Variants in IGDCC3 observed in about 807,000 individuals in gnomAD.
IGDCC3 encodes the protein putative neuronal cell adhesion molecule.
In IGDCC3, 47 loss-of-function variants were observed where a neutral mutation model predicts 72.0. The ratio of observed to expected loss-of-function variants is 0.65; its 90% confidence interval spans 0.52 to 0.83. The LOEUF is 0.83. Ranked by LOEUF, IGDCC3 falls within the 40% of genes least tolerant of loss-of-function variation. IGDCC3 has a pLI of 0.00. For missense variants in IGDCC3, 1,038 were observed against 1,091.3 expected (o/e 0.95, Z 0.69); for synonymous variants, 477 against 472.8 (o/e 1.01, Z -0.11).
At chr15:65,346,567 C>T (rs2091126290) in intron 2 of IGDCC3, among the ~76,000 whole-genome samples, 1 of 152,106 alleles carries the variant, frequency 6.6e-6, no homozygotes, top group Non-Finnish European at 1.5e-5. Context: ...AGCGATTCTC[C>T]TACCTCAGCC....
chr15:65,339,671 C>G lies in IGDCC3; in HGVS notation c.410-3715G>C, dbSNP rs1285982898. ...ACTTCAGGGCACCCTGAGATCTGAA[C>G]AAGTCACCCTGCAGGCCACTGTGTT... On this transcript the variant is annotated intron_variant, in intron 2 of 13. Transcript: ENST00000327987. This position sits in a 1 kb window ranked among gnomAD's most constrained non-coding sequence, Gnocchi z 4.1. 7.9e-5 allele frequency among the ~76,000 whole-genome samples: 12 copies of G among 152,236 alleles called. No homozygotes were observed. The highest frequency in any genetic ancestry group is 7.9e-4 in the Admixed American group (12 of 15,284).
In IGDCC3 at chr15:65,331,088, G is replaced by A. The variant is rs536780229; in HGVS notation, c.1523C>T (p.Ser508Leu). 3.6e-5 allele frequency: 58 copies of A among 1,614,146 alleles called. No homozygotes were observed. In the South Asian group the frequency reaches 5.8e-4, roughly 16 times the overall value. Residue 508 changes from serine to leucine, a missense_variant, in exon 9 of 14, where the codon TCA (serine) becomes TTA (leucine). By Grantham distance (145) the Ser-to-Leu change is moderately radical. Transcript: ENST00000327987. The stretch of plus-strand genomic sequence containing the variant: ...GCTAGCTAGGGTGGGCACAGAGGCT[G>A]AGCTGGCCCCCCTTGGTGTGTAGGC... Reference protein sequence around the residue: ...IKAYTPRGASSASVPTLASTL... With the variant: ...IKAYTPRGASLASVPTLASTL...
chr15:65,336,109 T>C (rs1595752053), intron 2 of IGDCC3, among the ~76,000 whole-genome samples, 153 bp from the exon 3 acceptor site: 1 of 152,284 alleles, frequency 6.6e-6, no homozygotes, highest in East Asian at 1.9e-4. Context: ...GGGGGACCCA[T>C]CAGCACTTAC....
intron 2 of IGDCC3, among the ~76,000 whole-genome samples, chr15:65,344,110 G>A (rs1213472347): frequency 6.6e-6 from 1 of 152,194 alleles, no homozygotes; most frequent in African/African-American, 2.4e-5. Context: ...TTGAATGAAG[G>A]CTCTGAACCC....
At chr15:65,332,197 C>T (rs1480686808) in intron 6 of IGDCC3, 91 bp from the exon 7 acceptor site, 9 of 1,433,422 alleles carry the variant, frequency 6.3e-6, no homozygotes, top group Non-Finnish European at 8.5e-6. Flanking sequence ...ACTGGAGATA[C>T]ACAGGGTGAG....
At chr15:65,342,834 T>G (rs930746078) in intron 2 of IGDCC3, among the ~76,000 whole-genome samples, 1 of 152,146 alleles carries the variant, frequency 6.6e-6, no homozygotes, top group African/African-American at 2.4e-5. Flanking sequence ...TTGCTAAAAC[T>G]TTGTTTGCTT....
intron 1 of IGDCC3, among the ~76,000 whole-genome samples, chr15:65,375,645 C>T (rs1216138231): frequency 6.6e-6 from 1 of 152,202 alleles, no homozygotes; most frequent in East Asian, 1.9e-4. Flanking sequence ...GTACTATTTC[C>T]TCTTTCACAG....
chr15:65,335,684 A>G, intron 3 of IGDCC3, 128 bp downstream of exon 3: 1 of 1,116,340 alleles, frequency 9.0e-7, no homozygotes, highest in Non-Finnish European at 1.3e-6. Context: ...GTGGTTGCAG[A>G]AACACCACTA....
chr15:65,364,430 T>G (rs1277844335), intron 2 of IGDCC3, among the ~76,000 whole-genome samples: 1 of 152,142 alleles, frequency 6.6e-6, no homozygotes, highest in Non-Finnish European at 1.5e-5. Context: ...TACTAACTAG[T>G]TCTCTACAAG....
At chr15:65,367,346 C>CAAAAAA (rs10609381) in intron 2 of IGDCC3, among the ~76,000 whole-genome samples, 13 of 74,292 alleles carry the variant, frequency 1.7e-4, no homozygotes, top group Non-Finnish European at 2.3e-4. Flanking sequence ...GACTTTGTCT[C>CAAAAAA]AAAAAAAAAA....
At chr15:65,358,298 G>A (rs992212552) in intron 2 of IGDCC3, among the ~76,000 whole-genome samples, 1 of 151,952 alleles carries the variant, frequency 6.6e-6, no homozygotes, top group East Asian at 1.9e-4. Context: ...TAGAGATGGA[G>A]TTTTGCCATG....
chr15:65,341,274 T>C (rs2091078820), intron 2 of IGDCC3, among the ~76,000 whole-genome samples: 1 of 152,206 alleles, frequency 6.6e-6, no homozygotes, highest in African/African-American at 2.4e-5. Context: ...TGTGCAATGT[T>C]GGTGGGGATG....
chr15:65,331,957 G>A lies in IGDCC3; in HGVS notation c.1132C>T (p.Leu378Phe), dbSNP rs1311467928. 6.2e-7 allele frequency: 1 copy of A among 1,613,782 alleles called. No individual in the cohort carries two copies. The highest frequency in any genetic ancestry group is 8.5e-7 in the Non-Finnish European group (1 of 1,180,020). ...CACACATACCTGTTGTTATTCTTGAGCCTGACGTGGCCTCCTGGCCCCAGC... is the reference window on the plus strand; with the variant it reads ...CACACATACCTGTTGTTATTCTTGAACCTGACGTGGCCTCCTGGCCCCAGC... Reference protein sequence around the residue: ...QVLGPGGHVRLKNNNSTLTIS... With the variant: ...QVLGPGGHVRFKNNNSTLTIS... The change falls in exon 7 of 14, where the codon CTC (leucine) becomes TTC (phenylalanine). Residue 378 changes from leucine to phenylalanine, a missense_variant. Transcript: ENST00000327987.
chr15:65,355,471 C>T (rs2091209995), intron 2 of IGDCC3, among the ~76,000 whole-genome samples: 1 of 151,360 alleles, frequency 6.6e-6, no homozygotes, highest in African/African-American at 2.4e-5. Context: ...CGGCCCCAGG[C>T]TCCCCGGCCC....
Position 65,327,475 on chromosome 15 carries a change from AT to A in IGDCC3, c.*1433del, listed in dbSNP as rs2090928826. The A allele has an allele frequency of 6.6e-6, 1 of 152,206 alleles. No individual in the cohort carries two copies. Among genetic ancestry groups the A allele is most frequent in the Non-Finnish European group, 1.5e-5 (1 of 68,018 alleles). The allele number at this position is 152,206 out of a possible 1,614,324, so 9.4% of individuals were successfully genotyped here. On this transcript the variant is annotated 3_prime_UTR_variant, in exon 14 of 14. Transcript: ENST00000327987. ...CCCTAGAGGATTGGGGGTCAGGGAT[AT>A]TTATGGTCTCATTCTTAAGGAATAC... is the stretch of plus-strand genomic sequence containing the variant.
chr15:65,330,413 G>T lies in IGDCC3; in HGVS notation c.1754-16C>A, dbSNP rs1328102191. The T allele has an allele frequency of 1.9e-6, 3 of 1,604,812 alleles. No individual in the cohort carries two copies. Among genetic ancestry groups the T allele is most frequent in the Admixed American group, 3.3e-5 (2 of 59,766 alleles). ...GCAGTGGGGTCTGGAGGAAGGCAGGGCGGATGAGCAACTGCCCCTGCCCAA... is the reference window on the plus strand; with the variant it reads ...GCAGTGGGGTCTGGAGGAAGGCAGGTCGGATGAGCAACTGCCCCTGCCCAA... On this transcript the variant is annotated splice_polypyrimidine_tract_variant and intron_variant, in intron 10 of 13. Transcript: ENST00000327987.
chr15:65,367,716 G>GGGACT (rs2140169430), intron 2 of IGDCC3, among the ~76,000 whole-genome samples: 1 of 152,070 alleles, frequency 6.6e-6, no homozygotes, highest in South Asian at 2.1e-4. Context: ...GTCCCTTACA[G>GGGACT]GACCTAATAA....
intron 2 of IGDCC3, among the ~76,000 whole-genome samples, chr15:65,347,353 T>C (rs974296503): frequency 6.6e-6 from 1 of 152,236 alleles, no homozygotes; most frequent in Non-Finnish European, 1.5e-5. Flanking sequence ...TGGGACCTTT[T>C]GGTTCCAACC....
chr15:65,336,017 G>A (rs2091026258), intron 2 of IGDCC3, 61 bp from the exon 3 acceptor site: 4 of 1,557,728 alleles, frequency 2.6e-6, no homozygotes, highest in Non-Finnish European at 2.6e-6. Flanking sequence ...AGGAGAGAAT[G>A]GGCTGCAGTG....
Sources: gnomAD v4.1 joint callset for allele counts (sites outside exome capture counted in the v4.1 genomes callset) on GRCh38, gnomAD v4.1.1 for gene constraint, Gnocchi (gnomAD v3.1) non-coding constraint, MANE v1.5 for transcripts, NCBI Gene and HGNC (gene_info 2026-07-23, HGNC 2026-07-21) for gene names.